BLK: variants seen among roughly 807,000 people sequenced by gnomAD.
BLK encodes tyrosine-protein kinase Blk.
Under a neutral mutation model 61.8 loss-of-function variants are expected in BLK, and 64 were observed. The ratio of observed to expected loss-of-function variants is 1.03; its 90% CI spans 0.85 to 1.27. BLK has a LOEUF of 1.27. BLK is among the 50% of genes most tolerant of loss of function. The probability of loss-of-function intolerance (pLI) is 0.00; values close to 1 mark genes in which losing one functional copy is unlikely to be tolerated. For missense variants in BLK, 853 were observed against 660.5 expected (o/e 1.29, Z -3.19); for synonymous variants, 351 against 272.0 (o/e 1.29, Z -2.86).
At chr8:11,528,586 T>C (rs1375645886) in intron 1 of BLK, among the ~76,000 whole-genome samples, 1 of 152,112 alleles carries the variant, frequency 6.6e-6, no homozygotes, top group Non-Finnish European at 1.5e-5. Context: ...CTCTAACTTC[T>C]TCCTGCTGAC....
chr8:11,554,632 A>C, intron 6 of BLK, 111 bp from the exon 7 acceptor site: 2 of 1,332,692 alleles, frequency 1.5e-6, no homozygotes, highest in Non-Finnish European at 2.1e-6. Context: ...GCTGATAATG[A>C]AGAACAGAAT....
intron 10 of BLK, 21 bp downstream of exon 10, chr8:11,558,059 A>G: frequency 1.2e-6 from 2 of 1,613,342 alleles, no homozygotes; most frequent in South Asian, 2.2e-5. Context: ...TACCAGGTGC[A>G]GAGAAAGGGC....
At chr8:11,499,314 T>C (rs1798472708) in intron 1 of BLK, among the ~76,000 whole-genome samples, 1 of 152,226 alleles carries the variant, frequency 6.6e-6, no homozygotes, top group South Asian at 2.1e-4. Context: ...CTAAGTTTTG[T>C]ATACGATGTT....
At chr8:11,543,401 T>C in intron 2 of BLK, 54 bp downstream of exon 2, 1 of 1,604,982 alleles carries the variant, frequency 6.2e-7, no homozygotes, top group Non-Finnish European at 8.5e-7. Flanking sequence ...TCCTATGCCT[T>C]AATGTCCAAG....
rs563314049 is a variant in BLK at position 11,557,952 on chromosome 8, C to T, written c.953-10C>T. The T allele has an allele frequency of 9.3e-6, 15 of 1,613,702 alleles. No individual in the cohort carries two copies. The East Asian group carries it at 2.7e-4, about 29-fold the overall frequency. On this transcript the variant is annotated splice_polypyrimidine_tract_variant and intron_variant, in intron 9 of 12. Transcript: ENST00000259089. ...TTGCAGAAGGGCACTTGCAACTTCT[C>T]TTTTCTTAGGATGCCTGCTGGATTT...
rs762537605 is a variant in BLK, at chr8:11,563,959, C to G, written c.1369C>G (p.Pro457Ala). 28 of 1,606,894 alleles carry G rather than the reference C, an allele frequency of 1.7e-5. No homozygotes were observed. Among genetic ancestry groups the G allele is most frequent in the Non-Finnish European group, 2.0e-5 (24 of 1,179,350 alleles). ...NLERGYRMPRPDTCPPELYRG... is the reference protein window; with the variant it reads ...NLERGYRMPRADTCPPELYRG... Reference sequence around the variant, plus strand: ...GGAGCGCGGCTACCGCATGCCGCGCCCCGACACCTGCCCGCCCGAGCTGTA... The same window carrying G: ...GGAGCGCGGCTACCGCATGCCGCGCGCCGACACCTGCCCGCCCGAGCTGTA... Residue 457 changes from proline (P) to alanine (A), a missense_variant, in exon 13 of 13, where the codon CCC (proline) becomes GCC (alanine). Coordinates refer to ENST00000259089, the MANE Select transcript of BLK (RefSeq NM_001715.3).
intron 1 of BLK, among the ~76,000 whole-genome samples, chr8:11,520,587 T>C (rs1170885404): frequency 6.6e-6 from 1 of 151,674 alleles, no homozygotes; most frequent in Non-Finnish European, 1.5e-5. Context: ...AAAAGCTTGT[T>C]GTAACCTAAA....
At chr8:11,552,624 G>A (rs1339130818) in intron 6 of BLK, 2 of 152,176 alleles carry the variant, frequency 1.3e-5, no homozygotes, top group African/African-American at 4.8e-5. Flanking sequence ...TGTTTCATCT[G>A]TATCTCCCGC....
chr8:11,522,555 G>C (rs1204361445), intron 1 of BLK, among the ~76,000 whole-genome samples: 1 of 152,146 alleles, frequency 6.6e-6, no homozygotes, highest in African/African-American at 2.4e-5. Flanking sequence ...TCTCACATAT[G>C]TGCAAAACAG....
chr8:11,529,563 A>G (rs1799805915), intron 1 of BLK, among the ~76,000 whole-genome samples: 1 of 152,130 alleles, frequency 6.6e-6, no homozygotes, highest in Admixed American at 6.5e-5. Flanking sequence ...GGGAGATCAG[A>G]ATCTTGTAGC....
At chr8:11,510,830 G>C (rs1464741107) in intron 1 of BLK, among the ~76,000 whole-genome samples, 2 of 151,708 alleles carry the variant, frequency 1.3e-5, no homozygotes, top group Admixed American at 1.3e-4. Context: ...CATAAATAAA[G>C]TGCCTCTTTG....
In BLK at chr8:11,543,232, T is replaced by C. The variant is rs751122425; in HGVS notation, c.8T>C (p.Leu3Pro). 46 of 1,613,558 alleles carry C rather than the reference T, an allele frequency of 2.9e-5. No individual in the cohort carries two copies. The highest frequency in any genetic ancestry group is 3.8e-5 in the Non-Finnish European group (45 of 1,179,974). ...CTGTGTGTCTCCGACAGGATGGGGC[T>C]GGTAAGTAGCAAAAAGCCGGACAAG... MG[L>P]VSSKKPDKEK... is the part of the protein sequence containing the mutation. Residue 3 changes from leucine to proline, a missense_variant, in exon 2 of 13, where the codon CTG becomes CCG. Physicochemically the swap from Leu to Pro is moderately conservative, Grantham distance 98. Transcript: ENST00000259089.
At chr8:11,542,322 A>C (rs779482802) in intron 1 of BLK, among the ~76,000 whole-genome samples, 1 of 152,246 alleles carries the variant, frequency 6.6e-6, no homozygotes, top group Non-Finnish European at 1.5e-5. Context: ...TGGTGTGTAC[A>C]TCCAAAGGAA....
At chr8:11,531,278 G>T (rs1585366823) in intron 1 of BLK, among the ~76,000 whole-genome samples, 1 of 151,998 alleles carries the variant, frequency 6.6e-6, no homozygotes. Flanking sequence ...TTTTCTTAAT[G>T]GTGTTTTTAA....
chr8:11,530,528 T>C (rs1799842030), intron 1 of BLK, among the ~76,000 whole-genome samples: 1 of 152,260 alleles, frequency 6.6e-6, no homozygotes, highest in Non-Finnish European at 1.5e-5. Flanking sequence ...CACATTCTTA[T>C]TGAACTTACT....
rs781324612 is a variant in BLK at position 11,556,832 on chromosome 8, C to T, written c.947C>T (p.Ala316Val). The T allele has an allele frequency of 1.1e-5, 18 of 1,613,814 alleles. No homozygotes were observed. The highest frequency in any genetic ancestry group is 1.4e-5 in the Non-Finnish European group (16 of 1,179,922). ...EPIYIVTEYM[A>V]RGCLLDFLKT... The stretch of plus-strand genomic sequence containing the variant: ...ATCTACATTGTCACCGAGTACATGG[C>T]CAGAGGTGGTGCCCCCCGCAGAGCC... The change falls in exon 9 of 13, where the codon GCC (alanine) becomes GTC (valine). Residue 316 changes from alanine (A) to valine (V), a missense_variant. Coordinates refer to ENST00000259089, the MANE Select transcript of BLK (RefSeq NM_001715.3).
intron 12 of BLK, among the ~76,000 whole-genome samples, chr8:11,563,640 G>T (rs1364276344): frequency 1.3e-5 from 2 of 152,186 alleles, no homozygotes; most frequent in Admixed American, 1.3e-4. Context: ...AGAGAGGGAG[G>T]GTCCCATCTT....
intron 1 of BLK, among the ~76,000 whole-genome samples, chr8:11,521,137 G>T (rs1199967868): frequency 2.0e-5 from 3 of 152,162 alleles, no homozygotes; most frequent in African/African-American, 7.2e-5. Flanking sequence ...AATTGAGTAA[G>T]TGATAAGGAA....
intron 1 of BLK, among the ~76,000 whole-genome samples, chr8:11,510,890 ATG>A (rs1798976338): frequency 6.6e-6 from 1 of 152,220 alleles, no homozygotes; most frequent in African/African-American, 2.4e-5. Context: ...CTAATTGCTA[ATG>A]TGTTAAAGTA....
Sources: gnomAD v4.1 joint callset for allele counts (sites outside exome capture counted in the v4.1 genomes callset) on GRCh38, gnomAD v4.1.1 for gene constraint, MANE v1.5 for transcripts, NCBI Gene and HGNC (gene_info 2026-07-23, HGNC 2026-07-21) for gene names.